Variants in BABAM2 observed in about 807,000 individuals in gnomAD.
BABAM2 encodes the protein BRISC and BRCA1-A complex member 2.
Under a neutral mutation model 54.7 loss-of-function variants are expected in BABAM2, and 31 were observed. The observed-to-expected ratio is 0.57, with a 90% CI of 0.43 to 0.77. BABAM2 has a LOEUF of 0.77. Among genes scored for constraint, BABAM2 ranks in the 30% least tolerant of loss-of-function variants. The pLI is 0.00. For synonymous variants in BABAM2, 167 were observed against 162.9 expected, an observed-to-expected ratio of 1.03 and a Z score of -0.19; for missense variants, 364 against 455.8, an observed-to-expected ratio of 0.80 and a Z score of 1.83.
At chr2:28,239,097 G>A (rs536815612) in intron 8 of BABAM2, among the ~76,000 whole-genome samples, 1 of 152,250 alleles carries the variant, frequency 6.6e-6, no homozygotes, top group Non-Finnish European at 1.5e-5. Context: ...CAAGTATACA[G>A]AACTGTTTTC....
intron 4 of BABAM2, among the ~76,000 whole-genome samples, chr2:28,017,653 G>A (rs901935901): frequency 5.3e-5 from 8 of 152,160 alleles, no homozygotes; most frequent in African/African-American, 1.4e-4. Flanking sequence ...AAAAGAAACT[G>A]TGTATGCATT....
intron 4 of BABAM2, among the ~76,000 whole-genome samples, chr2:28,023,201 T>G (rs1261990099): frequency 2.6e-5 from 4 of 152,238 alleles, no homozygotes; most frequent in Non-Finnish European, 5.9e-5. Flanking sequence ...TTATATGTTT[T>G]TATAATTTTT....
chr2:28,277,209 G>T (rs1376626085), intron 10 of BABAM2, among the ~76,000 whole-genome samples: 1 of 152,112 alleles, frequency 6.6e-6, no homozygotes, highest in African/African-American at 2.4e-5. Flanking sequence ...GGGTTCAAGC[G>T]ATTCTCCTGC....
chr2:27,913,178 C>T (rs2148310448), intron 2 of BABAM2, among the ~76,000 whole-genome samples: 1 of 152,210 alleles, frequency 6.6e-6, no homozygotes, highest in South Asian at 2.1e-4. Flanking sequence ...ACATGAAATA[C>T]AAGGCTTGAC....
chr2:27,927,336 A>G (rs955139142), intron 2 of BABAM2, among the ~76,000 whole-genome samples: 1 of 152,282 alleles, frequency 6.6e-6, no homozygotes. Context: ...GAATAACTTC[A>G]GTCTTTAAGC....
chr2:28,273,348 TCTCTC>T (rs1330345049), intron 10 of BABAM2, among the ~76,000 whole-genome samples: 2 of 152,220 alleles, frequency 1.3e-5, no homozygotes, highest in Non-Finnish European at 2.9e-5. Context: ...TTTCTTCTCT[TCTCTC>T]CTCTCCCTGT....
chr2:28,023,884 C>T (rs529790732), intron 4 of BABAM2, among the ~76,000 whole-genome samples: 1 of 152,184 alleles, frequency 6.6e-6, no homozygotes, highest in South Asian at 2.1e-4. Flanking sequence ...TCTGAGGATC[C>T]CTGAGACCAT....
intron 6 of BABAM2, among the ~76,000 whole-genome samples, chr2:28,128,153 T>G (rs1669734536): frequency 6.6e-6 from 1 of 152,170 alleles, no homozygotes; most frequent in Non-Finnish European, 1.5e-5. Context: ...CTTCCCTCTC[T>G]TGCTGCTGGT....
At chr2:28,168,181 G>C (rs1673920223) in intron 7 of BABAM2, among the ~76,000 whole-genome samples, 1 of 152,092 alleles carries the variant, frequency 6.6e-6, no homozygotes, top group Non-Finnish European at 1.5e-5. Flanking sequence ...CTTTAACAAG[G>C]GTCCACCAGC....
intron 6 of BABAM2, among the ~76,000 whole-genome samples, chr2:28,116,946 T>C (rs1271704301): frequency 6.6e-6 from 1 of 152,258 alleles, no homozygotes; most frequent in Non-Finnish European, 1.5e-5. Context: ...CATGATAAAC[T>C]GGCAAAACAT....
rs1360883175 is a variant in BABAM2, at chr2:28,196,321, C to CGTCTCAAAAAAAAAAAAAAAAAAAAAA, written c.681-40881_681-40880insGTCTCAAAAAAAAAAAAAAAAAAAAAA. Among the ~76,000 whole-genome samples, 50 of 107,526 alleles carry CGTCTCAAAAAAAAAAAAAAAAAAAAAA rather than the reference C, an allele frequency of 4.7e-4. 7 individuals carry two copies. Among genetic ancestry groups the CGTCTCAAAAAAAAAAAAAAAAAAAAAA allele is most frequent in the Non-Finnish European group, 1.0e-3 (42 of 40,916 alleles). 70.5% of individuals were successfully genotyped at this position (107,526 alleles called of 152,430 possible). On this transcript the variant is annotated intron_variant, in intron 7 of 11. Transcript: ENST00000379624. Reference sequence around the variant, plus strand: ...CAGCCTGGGCAACAGAGCAAGACTCCATATAAAAAAAAAATGAATTTTTTA... The same window carrying CGTCTCAAAAAAAAAAAAAAAAAAAAAA: ...CAGCCTGGGCAACAGAGCAAGACTCCGTCTCAAAAAAAAAAAAAAAAAAAAAAATATAAAAAAAAAATGAATTTTTTA...
intron 6 of BABAM2, among the ~76,000 whole-genome samples, chr2:28,069,179 T>G (rs1207939554): frequency 6.6e-6 from 1 of 152,208 alleles, no homozygotes; most frequent in Non-Finnish European, 1.5e-5. Context: ...ATCCCCTTCT[T>G]TAGTTAGCCT....
intron 11 of BABAM2, chr2:28,308,062 A>G (rs942965334): frequency 1.0e-5 from 2 of 190,856 alleles, no homozygotes; most frequent in African/African-American, 2.4e-5. Flanking sequence ...CATACAGATT[A>G]TAAAAACTGA....
intron 4 of BABAM2, among the ~76,000 whole-genome samples, chr2:28,020,609 C>A (rs1675173125): frequency 6.6e-6 from 1 of 152,018 alleles, no homozygotes; most frequent in Non-Finnish European, 1.5e-5. Context: ...TATCTCTCCT[C>A]ATTTAGTGTT....
At chr2:27,945,641 T>C (rs1669246532) in intron 3 of BABAM2, among the ~76,000 whole-genome samples, 1 of 152,182 alleles carries the variant, frequency 6.6e-6, no homozygotes, top group Admixed American at 6.5e-5. Flanking sequence ...ACACTGAGTC[T>C]TCCAAGAGAT....
At chr2:28,102,448 A>G (rs1244857106) in intron 6 of BABAM2, among the ~76,000 whole-genome samples, 2 of 152,182 alleles carry the variant, frequency 1.3e-5, no homozygotes, top group Non-Finnish European at 2.9e-5. Flanking sequence ...ATAGAGATCC[A>G]CTTTTATTTC....
At chr2:28,072,556 T>G (rs1664254559) in intron 6 of BABAM2, among the ~76,000 whole-genome samples, 1 of 152,102 alleles carries the variant, frequency 6.6e-6, no homozygotes, top group South Asian at 2.1e-4. Context: ...TGGCTAATTT[T>G]TTGTATTTTT....
At chr2:27,914,140 A>C (rs1188032445) in intron 2 of BABAM2, among the ~76,000 whole-genome samples, 2 of 152,200 alleles carry the variant, frequency 1.3e-5, no homozygotes, top group African/African-American at 4.8e-5. Flanking sequence ...TGTTAACCAT[A>C]TGATCTATGA....
At chr2:28,260,910 A>G (rs1021714830) in intron 10 of BABAM2, among the ~76,000 whole-genome samples, 1 of 150,664 alleles carries the variant, frequency 6.6e-6, no homozygotes, top group Non-Finnish European at 1.5e-5. Context: ...AGCTATCGTG[A>G]ATGAAGTTTT....
Sources: gnomAD v4.1 joint callset for allele counts (sites outside exome capture counted in the v4.1 genomes callset) on GRCh38, gnomAD v4.1.1 for gene constraint, MANE v1.5 for transcripts, NCBI Gene and HGNC (gene_info 2026-07-23, HGNC 2026-07-21) for gene names.